CCDC7: variants seen among roughly 807,000 people sequenced by gnomAD.
CCDC7 encodes coiled-coil domain containing 7.
A neutral mutation model predicts 196.9 loss-of-function variants in CCDC7; 183 were observed. The ratio of observed to expected loss-of-function variants is 0.93; its 90% confidence interval spans 0.82 to 1.05. The LOEUF is 1.05. CCDC7 is among the 50% of genes least tolerant of loss of function. CCDC7 has a pLI of 0.00. For synonymous variants in CCDC7, 525 were observed against 484.6 expected (o/e 1.08, Z -1.10); for missense variants, 1,540 against 1,482.2 (o/e 1.04, Z -0.64).
At chr10:32,701,617 G>A (rs915790258) in intron 24 of CCDC7, among the ~76,000 whole-genome samples, 9 of 152,136 alleles carry the variant, frequency 5.9e-5, no homozygotes, top group African/African-American at 2.2e-4. Context: ...TGTACCTCTG[G>A]TAGAATTCGG....
At chr10:32,828,489 GAA>G in intron 32 of CCDC7, among the ~76,000 whole-genome samples, 1 of 60,914 alleles carries the variant, frequency 1.6e-5, no homozygotes, top group Non-Finnish European at 3.4e-5. Context: ...GGAAGAGGAA[GAA>G]GAAGAAGAAG....
chr10:32,739,971 T>C (rs2133111962), intron 28 of CCDC7, among the ~76,000 whole-genome samples: 1 of 152,242 alleles, frequency 6.6e-6, no homozygotes, highest in Non-Finnish European at 1.5e-5. Flanking sequence ...AATGTGGTGA[T>C]AAGATGTCAT....
At chr10:32,585,507 T>C (rs1018176032) in intron 18 of CCDC7, among the ~76,000 whole-genome samples, 7 of 152,220 alleles carry the variant, frequency 4.6e-5, no homozygotes, top group African/African-American at 1.7e-4. Flanking sequence ...GTATTTCTCC[T>C]AATGTTATCC....
intron 41 of CCDC7, among the ~76,000 whole-genome samples, chr10:32,869,099 G>C: frequency 6.6e-6 from 1 of 152,066 alleles, no homozygotes; most frequent in Non-Finnish European, 1.5e-5. Flanking sequence ...TGGGATTGCT[G>C]GGTCAAATGG....
chr10:32,708,707 A>G (rs2484720), intron 24 of CCDC7, among the ~76,000 whole-genome samples: 126,552 of 151,742 alleles, frequency 0.83, 53,385 homozygotes, highest in Non-Finnish European at 0.9. Flanking sequence ...GCAGCCAAAA[A>G]ACACATGAAA....
At chr10:32,881,623 G>T (rs1365279264), downstream of CCDC7, among the ~76,000 whole-genome samples, 1 of 152,108 alleles carries the variant, frequency 6.6e-6, no homozygotes, top group Non-Finnish European at 1.5e-5. Context: ...CCTTTTGATT[G>T]CTGTCTTTTC....
intron 21 of CCDC7, among the ~76,000 whole-genome samples, chr10:32,671,507 A>G (rs953301489): frequency 2.6e-5 from 4 of 152,176 alleles, no homozygotes; most frequent in Non-Finnish European, 5.9e-5. Context: ...AGTGACACAC[A>G]TAACTATTTT....
intron 18 of CCDC7, among the ~76,000 whole-genome samples, chr10:32,618,883 TAAG>T (rs2063071125): frequency 6.6e-6 from 1 of 152,132 alleles, no homozygotes; most frequent in African/African-American, 2.4e-5. Context: ...CAACAATGCA[TAAG>T]TTCTATAGCT....
chr10:32,702,002 T>C (rs1367121516), intron 24 of CCDC7, among the ~76,000 whole-genome samples: 3 of 152,348 alleles, frequency 2.0e-5, no homozygotes, highest in East Asian at 3.9e-4. Flanking sequence ...TTGAGGGTTT[T>C]TTGTGTCTCT....
rs1369673282 is a variant in CCDC7, at chr10:32,814,454, G to C, written c.3181+1G>C. On this transcript the variant is annotated splice_donor_variant, in intron 31 of 41. Coordinates refer to ENST00000639629, the Ensembl canonical transcript of CCDC7. LOFTEE classifies it high-confidence loss of function. The stretch of plus-strand genomic sequence containing the variant: ...AAGACACGATCAAAGAGTCTCCCTG[G>C]TAAGAACAAAAACTTTACACATTTA... The C allele has an allele frequency of 1.3e-6, 2 of 1,598,414 alleles. No homozygotes were observed. The highest frequency in any genetic ancestry group is 1.7e-6 in the Non-Finnish European group (2 of 1,167,198).
chr10:32,784,093 G>A (rs2081438527), intron 29 of CCDC7, among the ~76,000 whole-genome samples: 1 of 151,830 alleles, frequency 6.6e-6, no homozygotes, highest in South Asian at 2.1e-4. Context: ...AGTGATTGTG[G>A]TTAATACAAT....
upstream of CCDC7, among the ~76,000 whole-genome samples, chr10:32,449,505 G>GT (rs1021681435): frequency 4.4e-4 from 66 of 151,120 alleles, no homozygotes; most frequent in South Asian, 1.9e-3. Flanking sequence ...TTTTTTAATG[G>GT]TTTTTTTTTC....
rs184492349 is a variant in CCDC7 at position 32,699,003 on chromosome 10, C to G, written c.2458+4011C>G. On this transcript the variant is annotated intron_variant, in intron 24 of 41. Coordinates refer to ENST00000639629, the Ensembl canonical transcript of CCDC7. The stretch of plus-strand genomic sequence containing the variant: ...GAAGCCCATCAGACTAACAGCTGAT[C>G]TCTCAGCAGAAACTGTACAAGCCAG... Among the ~76,000 whole-genome samples, 552 of 152,288 alleles carry G rather than the reference C, an allele frequency of 3.6e-3. 5 individuals are homozygous for G. The highest frequency in any genetic ancestry group is 0.013 in the African/African-American group (523 of 41,552).
At chr10:32,792,826 G>GTAAATCT (rs2082928843) in intron 29 of CCDC7, among the ~76,000 whole-genome samples, 2 of 151,836 alleles carry the variant, frequency 1.3e-5, no homozygotes, top group Non-Finnish European at 2.9e-5. Flanking sequence ...TAAGCCACAG[G>GTAAATCT]GTAATTATAG....
intron 41 of CCDC7, among the ~76,000 whole-genome samples, chr10:32,861,129 A>AG (rs2093966445): frequency 6.7e-6 from 1 of 148,772 alleles, no homozygotes; most frequent in Admixed American, 6.7e-5. Context: ...AAAAAAAAAA[A>AG]AAAAAGAAAG....
At chr10:32,717,312 A>G (rs1276661158) in intron 25 of CCDC7, among the ~76,000 whole-genome samples, 1 of 152,226 alleles carries the variant, frequency 6.6e-6, no homozygotes, top group African/African-American at 2.4e-5. Flanking sequence ...AGGCAGAAAT[A>G]AGTGAATTCT....
intron 9 of CCDC7, among the ~76,000 whole-genome samples, chr10:32,504,194 T>C (rs1348271619): frequency 2.8e-5 from 4 of 141,832 alleles, no homozygotes. Context: ...CTTGGCTCAC[T>C]GCAAGCTCTG....
intron 29 of CCDC7, among the ~76,000 whole-genome samples, chr10:32,787,569 G>A (rs1200304951): frequency 6.6e-6 from 1 of 152,164 alleles, no homozygotes; most frequent in Non-Finnish European, 1.5e-5. Flanking sequence ...AGGAAAGAAA[G>A]GTTAAATGAG....
exon 40 of CCDC7, chr10:32,851,904 C>T: frequency 6.2e-7 from 1 of 1,604,420 alleles, no homozygotes; most frequent in Non-Finnish European, 8.5e-7. Flanking sequence ...AAGACATCCA[C>T]CTTCCTTTAC....
Sources: gnomAD v4.1 joint callset for allele counts (sites outside exome capture counted in the v4.1 genomes callset) on GRCh38, gnomAD v4.1.1 for gene constraint, MANE v1.5 for transcripts, NCBI Gene and HGNC (gene_info 2026-07-23, HGNC 2026-07-21) for gene names.